TMEM170A: variants seen among roughly 807,000 people sequenced by gnomAD.
TMEM170A encodes transmembrane protein 170.
Under a neutral mutation model 12.8 loss-of-function variants are expected in TMEM170A, and 18 were observed. The ratio of observed to expected loss-of-function variants is 1.41; its 90% CI spans 0.97 to 2.09. The LOEUF is 2.09. Among genes scored for constraint, TMEM170A ranks in the 30% most tolerant of loss-of-function variants. The probability of loss-of-function intolerance (pLI) is 0.00; values close to 1 mark genes in which losing one functional copy is unlikely to be tolerated. For missense variants in TMEM170A, 220 were observed against 179.9 expected, an observed-to-expected ratio of 1.22 and a Z score of -1.28; for synonymous variants, 107 against 76.2, an observed-to-expected ratio of 1.40 and a Z score of -2.11.
intron 1 of TMEM170A, among the ~76,000 whole-genome samples, chr16:75,454,012 T>C (rs906201669): frequency 2.6e-5 from 4 of 152,150 alleles, no homozygotes; most frequent in Non-Finnish European, 4.4e-5. Flanking sequence ...CGGTGACACA[T>C]TAGATAAAAC....
chr16:75,464,556 G>C lies in TMEM170A; in HGVS notation c.45C>G (p.Leu15=). ...CCTTCAGGCTCAGGATCTGCTGCAG[G>C]AGCCCGGCCGACCCGCCGCTGCCGC... ...GSGGSGGSAG[L]LQQILSLKVV... The change falls in exon 1 of 3, where the codon CTC becomes CTG. Residue 15 remains leucine, a synonymous_variant. Transcript: ENST00000561878. The C allele has an allele frequency of 6.3e-7, 1 of 1,587,066 alleles. No homozygotes were observed. The highest frequency in any genetic ancestry group is 1.1e-5 in the South Asian group (1 of 88,226).
At chr16:75,452,570 C>G (rs1169063922) in intron 1 of TMEM170A, 1 of 152,138 alleles carries the variant, frequency 6.6e-6, no homozygotes, top group Non-Finnish European at 1.5e-5. Flanking sequence ...CTTGGCCTCC[C>G]AAAGTGCTAG....
In TMEM170A at chr16:75,464,471, G is replaced by A. The variant is rs372033834; in HGVS notation, c.130C>T (p.Pro44Ser). 4 of 1,519,342 alleles carry A rather than the reference G, an allele frequency of 2.6e-6. No homozygotes were observed. Among genetic ancestry groups the A allele is most frequent in the African/African-American group, 2.9e-5 (2 of 69,326 alleles). 94.1% of individuals were successfully genotyped at this position (1,519,342 alleles called of 1,614,324 possible). A position where few individuals can be genotyped will look rare whatever the true frequency, so the allele number is the denominator to read the frequency against. The stretch of plus-strand genomic sequence containing the variant: ...GCAGGCGCGGGGCGGGCCGTACCTG[G>A]GAAGGAGCAGAGGGAAGTAGAGTTG... The part of the protein sequence containing the change: ...CPNSTSLCSF[P>S]EMWYGVFLWA... Residue 44 changes from proline (P) to serine (S), a missense_variant, in exon 1 of 3, where the codon CCA becomes TCA. By Grantham distance (74) the Pro-to-Ser change is moderately conservative. Transcript: ENST00000561878.
chr16:75,464,275 C>T (rs1407334621), intron 1 of TMEM170A, 193 bp downstream of exon 1: 2 of 1,494,338 alleles, frequency 1.3e-6, no homozygotes, highest in Non-Finnish European at 1.8e-6. Context: ...GACTCCGGGG[C>T]TCCGCCTCAG....
intron 1 of TMEM170A, among the ~76,000 whole-genome samples, chr16:75,452,082 C>T (rs1190193686): frequency 6.6e-6 from 1 of 152,180 alleles, no homozygotes; most frequent in Non-Finnish European, 1.5e-5. Flanking sequence ...CACGATTCTC[C>T]TGCCTCAGCC....
chr16:75,463,605 A>G (rs1395313217), intron 1 of TMEM170A, among the ~76,000 whole-genome samples: 1 of 152,074 alleles, frequency 6.6e-6, no homozygotes, highest in Non-Finnish European at 1.5e-5. Context: ...GTTTATGAAG[A>G]CCTCAGTCCC....
chr16:75,459,538 T>A (rs549471707), intron 1 of TMEM170A, among the ~76,000 whole-genome samples: 42 of 152,248 alleles, frequency 2.8e-4, no homozygotes, highest in African/African-American at 6.5e-4. Flanking sequence ...GCAGACCACA[T>A]GAGTCCTCCT....
chr16:75,455,981 T>C (rs1453078935), intron 1 of TMEM170A, among the ~76,000 whole-genome samples: 3 of 150,902 alleles, frequency 2.0e-5, no homozygotes, highest in Non-Finnish European at 3.0e-5. Context: ...AGTGTGTGTG[T>C]TTTTTCCCCC....
intron 1 of TMEM170A, chr16:75,458,691 G>A (rs2079843493): frequency 1.3e-5 from 2 of 152,166 alleles, no homozygotes; most frequent in Admixed American, 1.3e-4. Flanking sequence ...AATAAAATCT[G>A]TATGGCTTTA....
At chr16:75,454,493 G>A (rs2079750032) in intron 1 of TMEM170A, among the ~76,000 whole-genome samples, 1 of 149,216 alleles carries the variant, frequency 6.7e-6, no homozygotes, top group African/African-American at 2.6e-5. Flanking sequence ...AAATTAGCCG[G>A]GCATGGTGGC....
At chr16:75,454,384 C>G (rs895274762) in intron 1 of TMEM170A, among the ~76,000 whole-genome samples, 4 of 151,958 alleles carry the variant, frequency 2.6e-5, no homozygotes, top group African/African-American at 9.7e-5. Context: ...TTTGGGAGGT[C>G]GAGGTGGGCT....
chr16:75,455,418 CAT>C lies in TMEM170A; in HGVS notation c.134-3581_134-3580del, dbSNP rs559498610. Among the ~76,000 whole-genome samples, 411 of 151,090 alleles carry C rather than the reference CAT, an allele frequency of 2.7e-3. 2 individuals carry two copies. Among genetic ancestry groups the C allele is most frequent in the African/African-American group, 9.7e-3 (398 of 41,188 alleles). ...CTGAAGGGGCAAGATGCCCAAGCCA[CAT>C]TGTGAAGTAACAAAAGCCAGTTGCA... On this transcript the variant is annotated intron_variant, in intron 1 of 2. Transcript: ENST00000561878.
At chr16:75,452,949 CTTTCA>C (rs1010336767) in intron 1 of TMEM170A, among the ~76,000 whole-genome samples, 4 of 152,106 alleles carry the variant, frequency 2.6e-5, no homozygotes, top group African/African-American at 7.2e-5. Context: ...AACCCATGCC[CTTTCA>C]TTTAAGTATT....
intron 2 of TMEM170A, among the ~76,000 whole-genome samples, chr16:75,449,883 G>A (rs557089267): frequency 2.6e-5 from 4 of 152,218 alleles, no homozygotes; most frequent in African/African-American, 4.8e-5. Context: ...ATAATGAAGC[G>A]AAGAAAGGAA....
intron 1 of TMEM170A, among the ~76,000 whole-genome samples, chr16:75,455,168 T>C (rs1255321579): frequency 6.6e-6 from 1 of 152,052 alleles, no homozygotes; most frequent in African/African-American, 2.4e-5. Flanking sequence ...CCATCCTGGC[T>C]AACACGGTAA....
chr16:75,464,724 C>A (rs1325868300), upstream of TMEM170A: 2 of 1,344,444 alleles, frequency 1.5e-6, no homozygotes, highest in Non-Finnish European at 2.0e-6. Flanking sequence ...CCAATCCCAA[C>A]GGCGCTGCCA....
At chr16:75,455,282 G>A (rs1023985384) in intron 1 of TMEM170A, among the ~76,000 whole-genome samples, 4 of 151,270 alleles carry the variant, frequency 2.6e-5, no homozygotes, top group African/African-American at 9.7e-5. Flanking sequence ...GTGTGAACTC[G>A]GGAGGCGGAG....
intron 1 of TMEM170A, chr16:75,464,127 A>C (rs9931077): frequency 0.039 from 49,508 of 1,253,990 alleles, 2,310 homozygotes; most frequent in African/African-American, 0.2. Context: ...CGGGGACCAC[A>C]GCCTCCCGGG....
intron 1 of TMEM170A, among the ~76,000 whole-genome samples, chr16:75,461,064 A>T (rs1408744505): frequency 6.6e-6 from 1 of 152,084 alleles, no homozygotes; most frequent in Admixed American, 6.5e-5. Context: ...ATACTCATTT[A>T]TTTATTTTTG....
Sources: allele counts gnomAD v4.1 joint callset (sites outside exome capture counted in the v4.1 genomes callset), GRCh38; gene constraint gnomAD v4.1.1; transcripts MANE v1.5; gene names NCBI Gene and HGNC (gene_info 2026-07-23, HGNC 2026-07-21).